CAPN9: variants seen among roughly 807,000 people sequenced by gnomAD.
CAPN9 encodes calpain-9.
Under a neutral mutation model 92.8 loss-of-function variants are expected in CAPN9, and 81 were observed. The ratio of observed to expected loss-of-function variants is 0.87; its 90% CI spans 0.73 to 1.05. CAPN9 has a LOEUF of 1.05. Ranked by LOEUF, CAPN9 falls within the 50% of genes least tolerant of loss-of-function variation. The pLI is 0.00. For synonymous variants in CAPN9, 304 were observed against 328.0 expected (o/e 0.93, Z 0.79); for missense variants, 848 against 866.2 (o/e 0.98, Z 0.26).
chr1:230,785,711 A>G (rs908260565), intron 11 of CAPN9, among the ~76,000 whole-genome samples: 2 of 152,188 alleles, frequency 1.3e-5, no homozygotes, highest in African/African-American at 4.8e-5. Context: ...TTCTTTATAA[A>G]TTACCTAGTC....
Position 230,769,238 on chromosome 1 carries a change from C to G in CAPN9, c.764C>G (p.Ala255Gly). Reference sequence around the variant, plus strand: ...CCGTTTGGTCTTATTAAGGGTCATGCCTACAGTGTAACGGGAATTGACCAG... The same window carrying G: ...CCGTTTGGTCTTATTAAGGGTCATGGCTACAGTGTAACGGGAATTGACCAG... ...RTPFGLIKGH[A>G]YSVTGIDQVS... The change falls in exon 6 of 20, where the codon GCC becomes GGC. Residue 255 changes from alanine (A) to glycine (G), a missense_variant. Coordinates refer to ENST00000271971, the MANE Select transcript of CAPN9 (RefSeq NM_006615.3). 6.2e-7 allele frequency: 1 copy of G among 1,613,992 alleles called. No individual in the cohort carries two copies. The highest frequency in any genetic ancestry group is 8.5e-7 in the Non-Finnish European group (1 of 1,179,840).
chr1:230,771,923 G>A, intron 6 of CAPN9, 91 bp from the exon 7 acceptor site: 1 of 1,015,792 alleles, frequency 9.8e-7, no homozygotes, highest in Non-Finnish European at 1.6e-6. Flanking sequence ...AGTTCTGGAT[G>A]GAGCTGGTCC....
intron 13 of CAPN9, among the ~76,000 whole-genome samples, chr1:230,788,290 G>A (rs1049046269): frequency 6.6e-6 from 1 of 152,110 alleles, no homozygotes; most frequent in African/African-American, 2.4e-5. Flanking sequence ...CTATTCAATT[G>A]CAACTTCCTG....
intron 1 of CAPN9, among the ~76,000 whole-genome samples, chr1:230,749,368 G>C (rs1009307257): frequency 6.6e-6 from 1 of 152,204 alleles, no homozygotes. Context: ...GAAGTTACAA[G>C]ACATAAAAGA....
intron 3 of CAPN9, among the ~76,000 whole-genome samples, chr1:230,761,811 T>C (rs909833902): frequency 2.0e-5 from 3 of 152,030 alleles, no homozygotes; most frequent in Admixed American, 6.5e-5. Flanking sequence ...ACAGAGAAAC[T>C]ACCATGGTCC....
chr1:230,788,859 T>G (rs1387288717), intron 13 of CAPN9, among the ~76,000 whole-genome samples: 1 of 152,162 alleles, frequency 6.6e-6, no homozygotes, highest in African/African-American at 2.4e-5. Flanking sequence ...GCGCAGAAGT[T>G]GTCAGATGGA....
chr1:230,799,524 A>G (rs1331432373), intron 19 of CAPN9, among the ~76,000 whole-genome samples: 2 of 152,360 alleles, frequency 1.3e-5, no homozygotes, highest in African/African-American at 4.8e-5. Context: ...TACTTAGCTC[A>G]CAGAATTATT....
intron 16 of CAPN9, 130 bp from the exon 17 acceptor site, chr1:230,792,720 G>T (rs1227803206): frequency 2.4e-6 from 2 of 819,316 alleles, no homozygotes; most frequent in East Asian, 4.8e-5. Context: ...CTTTTGGAAG[G>T]CCCAGTCCAA....
intron 13 of CAPN9, among the ~76,000 whole-genome samples, chr1:230,788,874 C>T (rs771601370): frequency 2.1e-4 from 32 of 152,124 alleles, no homozygotes; most frequent in Admixed American, 6.5e-5. Context: ...GATGGAGATC[C>T]AGAGTTTGGA....
At chr1:230,786,756 A>ACTAC (rs10672657) in intron 12 of CAPN9, among the ~76,000 whole-genome samples, 5 of 151,998 alleles carry the variant, frequency 3.3e-5, no homozygotes, top group African/African-American at 7.3e-5. Context: ...AAGTGGGTAG[A>ACTAC]CTTTTAATTG....
In CAPN9 at chr1:230,797,884, G is replaced by A. The variant is rs187694017; in HGVS notation, c.1988-278G>A. On this transcript the variant is annotated intron_variant, in intron 18 of 19. Coordinates refer to ENST00000271971, the MANE Select transcript of CAPN9 (RefSeq NM_006615.3). ...CTGTACCCCCCAGAAGGTTAAGATA[G>A]GGGCGTTGCTTTGGCTCCAGGAGCT... 4.9e-4 allele frequency among the ~76,000 whole-genome samples: 74 copies of A among 152,306 alleles called. 1 individual carries two copies. Among genetic ancestry groups the A allele is most frequent in the Non-Finnish European group, 8.8e-5 (6 of 68,024 alleles).
At chr1:230,790,009 G>A in intron 13 of CAPN9, 123 bp from the exon 14 acceptor site, 3 of 703,494 alleles carry the variant, frequency 4.3e-6, no homozygotes, top group Non-Finnish European at 7.4e-6. Context: ...TCTGCCCACA[G>A]CAGGGTCCTG....
chr1:230,791,099 G>A (rs929405881), intron 14 of CAPN9, among the ~76,000 whole-genome samples: 6 of 152,078 alleles, frequency 3.9e-5, no homozygotes, highest in South Asian at 2.1e-4. Flanking sequence ...CGTATGGATG[G>A]GCCCTGTTCT....
chr1:230,772,543 T>C (rs1558097999), intron 7 of CAPN9, among the ~76,000 whole-genome samples: 1 of 152,136 alleles, frequency 6.6e-6, no homozygotes, highest in Non-Finnish European at 1.5e-5. Flanking sequence ...TTCTCTCTGA[T>C]GGTCACTGAC....
chr1:230,795,288 C>T lies in CAPN9; in HGVS notation c.1987+9C>T. ...GCTGGAGAATGCGAGCCGTAAGTGTCCAGCGAGGCTGAGGGTGCACCTCGG... is the reference window on the plus strand; with the variant it reads ...GCTGGAGAATGCGAGCCGTAAGTGTTCAGCGAGGCTGAGGGTGCACCTCGG... On this transcript the variant is annotated intron_variant, in intron 18 of 19. Coordinates refer to ENST00000271971, the MANE Select transcript of CAPN9 (RefSeq NM_006615.3). 4 of 1,575,796 alleles carry T rather than the reference C, an allele frequency of 2.5e-6. No homozygotes were observed.
intron 4 of CAPN9, among the ~76,000 whole-genome samples, chr1:230,763,952 C>T (rs568638477): frequency 8.5e-5 from 13 of 152,172 alleles, no homozygotes; most frequent in Non-Finnish European, 1.3e-4. Flanking sequence ...GTGAGTGCCC[C>T]CCACATCAGG....
intron 1 of CAPN9, among the ~76,000 whole-genome samples, chr1:230,748,505 G>A (rs540032289): frequency 6.6e-6 from 1 of 152,244 alleles, no homozygotes; most frequent in Admixed American, 6.5e-5. Flanking sequence ...CTACAAGTGA[G>A]ATCCTGAGTG....
chr1:230,766,378 C>T (rs910789293), intron 4 of CAPN9, among the ~76,000 whole-genome samples: 3 of 152,162 alleles, frequency 2.0e-5, no homozygotes, highest in Non-Finnish European at 2.9e-5. Context: ...GCACAATGTG[C>T]GATGATCAAA....
In CAPN9 at chr1:230,794,581, A is replaced by G. The variant is rs561574175; in HGVS notation, c.1871-582A>G. ...CCAAAGCCCAGAGAACTGAACCCAT[A>G]TGCCACGGCTGGAGCAGTGCCAGGG... On this transcript the variant is annotated intron_variant, in intron 17 of 19. Transcript: ENST00000271971. Among the ~76,000 whole-genome samples, 10 of 152,354 alleles carry G rather than the reference A, an allele frequency of 6.6e-5. No homozygotes were observed. The South Asian group carries it at 2.1e-3, about 32-fold the overall frequency.
Sources: gnomAD v4.1 joint callset for allele counts (sites outside exome capture counted in the v4.1 genomes callset) on GRCh38, gnomAD v4.1.1 for gene constraint, MANE v1.5 for transcripts, NCBI Gene and HGNC (gene_info 2026-07-23, HGNC 2026-07-21) for gene names.